Variants in GABRB1 observed in about 807,000 individuals in gnomAD.
GABRB1 encodes the protein gamma-aminobutyric acid type A receptor subunit beta1, also known as gamma-aminobutyric acid receptor subunit beta-1.
Under a neutral mutation model 51.6 loss-of-function variants are expected in GABRB1, and 17 were observed. The observed-to-expected ratio is 0.33, with a 90% CI of 0.23 to 0.49. The LOEUF is 0.49. GABRB1 is among the 20% of genes least tolerant of loss of function. GABRB1 has a pLI of 0.99. For synonymous variants in GABRB1, 247 were observed against 218.9 expected, an observed-to-expected ratio of 1.13 and a Z score of -1.14; for missense variants, 410 against 600.6, an observed-to-expected ratio of 0.68 and a Z score of 3.32.
At chr4:47,384,071 C>T (rs1727689168) in intron 5 of GABRB1, among the ~76,000 whole-genome samples, 1 of 152,010 alleles carries the variant, frequency 6.6e-6, no homozygotes, top group South Asian at 2.1e-4. Flanking sequence ...TTTTCCCAAA[C>T]AGGCAATTTC....
chr4:47,004,763 T>C (rs1724336075), intron 1 of GABRB1, among the ~76,000 whole-genome samples: 1 of 152,232 alleles, frequency 6.6e-6, no homozygotes. Context: ...TAGTTTATAA[T>C]CCAGAATTGG....
At chr4:47,002,153 AC>A (rs1217800853) in intron 1 of GABRB1, among the ~76,000 whole-genome samples, 2 of 152,220 alleles carry the variant, frequency 1.3e-5, no homozygotes, top group Non-Finnish European at 2.9e-5. Context: ...TTTGGAGACA[AC>A]AAAATACTAG....
intron 5 of GABRB1, among the ~76,000 whole-genome samples, chr4:47,341,947 G>A (rs1725916246): frequency 6.6e-6 from 1 of 152,096 alleles, no homozygotes; most frequent in Non-Finnish European, 1.5e-5. Flanking sequence ...TAGAACCAGA[G>A]AGGACACTGA....
intron 4 of GABRB1, among the ~76,000 whole-genome samples, chr4:47,171,306 GA>G (rs1399134426): frequency 2.0e-5 from 3 of 150,350 alleles, no homozygotes; most frequent in Admixed American, 6.6e-5. Context: ...AAGAATGTAA[GA>G]AAAAAAGGAA....
At chr4:47,231,993 A>ATTATTTT (rs1195166705) in intron 4 of GABRB1, among the ~76,000 whole-genome samples, 6 of 152,182 alleles carry the variant, frequency 3.9e-5, no homozygotes, top group African/African-American at 1.4e-4. Flanking sequence ...AAAATTGCCC[A>ATTATTTT]TGAAGTAGTA....
chr4:47,152,606 C>T (rs1348691199), intron 3 of GABRB1, among the ~76,000 whole-genome samples: 1 of 151,934 alleles, frequency 6.6e-6, no homozygotes, highest in East Asian at 1.9e-4. Flanking sequence ...TTCCTTGAGC[C>T]CTGTCTTCCT....
intron 5 of GABRB1, among the ~76,000 whole-genome samples, chr4:47,400,194 A>G (rs559173975): frequency 3.3e-5 from 5 of 152,318 alleles, no homozygotes; most frequent in African/African-American, 1.2e-4. Context: ...GACATTTCAT[A>G]TATTTAAAAA....
chr4:47,149,251 C>A (rs935869832), intron 3 of GABRB1, among the ~76,000 whole-genome samples: 2 of 151,972 alleles, frequency 1.3e-5, no homozygotes, highest in Admixed American at 6.6e-5. Flanking sequence ...CAAAATTGAT[C>A]ATTTACTCAA....
chr4:47,289,884 C>A (rs1232574978), intron 4 of GABRB1, among the ~76,000 whole-genome samples: 3 of 152,110 alleles, frequency 2.0e-5, no homozygotes, highest in African/African-American at 7.2e-5. Context: ...AATAACATGG[C>A]AAAGAATATT....
chr4:47,021,395 T>C (rs182117520), intron 1 of GABRB1, among the ~76,000 whole-genome samples: 65 of 152,224 alleles, frequency 4.3e-4, no homozygotes, highest in Admixed American at 7.9e-4. Flanking sequence ...TATGTGCTGA[T>C]AATAAACAGC....
chr4:47,058,770 A>G (rs769180142), intron 3 of GABRB1, among the ~76,000 whole-genome samples: 6 of 152,126 alleles, frequency 3.9e-5, no homozygotes, highest in Non-Finnish European at 8.8e-5. Flanking sequence ...TGCCTTTGTA[A>G]TGCCTTTTAT....
chr4:47,017,773 C>A (rs1287852767), intron 1 of GABRB1, among the ~76,000 whole-genome samples: 1 of 152,168 alleles, frequency 6.6e-6, no homozygotes, highest in Admixed American at 6.5e-5. Context: ...ATCTCTCAAT[C>A]AAAATTTTGC....
At chr4:47,262,193 G>A (rs1389923323) in intron 4 of GABRB1, among the ~76,000 whole-genome samples, 2 of 151,698 alleles carry the variant, frequency 1.3e-5, no homozygotes, top group Non-Finnish European at 2.9e-5. Context: ...ATTGACAAAT[G>A]GGATCTCATT....
intron 3 of GABRB1, among the ~76,000 whole-genome samples, chr4:47,071,400 A>G (rs1727329468): frequency 6.6e-6 from 1 of 152,088 alleles, no homozygotes; most frequent in East Asian, 1.9e-4. Context: ...TACAAGCATT[A>G]GTTTGGCCTA....
Position 47,007,649 on chromosome 4 carries a change from C to T in GABRB1, c.-20+13723C>T, listed in dbSNP as rs550315281. Among the ~76,000 whole-genome samples the T allele has an allele frequency of 1.5e-4, 23 of 151,916 alleles. 1 individual carries two copies. The highest frequency in any genetic ancestry group is 4.1e-4 in the African/African-American group (17 of 41,408). On this transcript the variant is annotated intron_variant, in intron 1 of 3. Transcript: ENST00000513567. ...CCAAATAAAGAATGAAGAATGTCAA[C>T]GAATAGAAATTGTACCAAGAATGTT...
chr4:47,027,235 T>C (rs1725129003), upstream of GABRB1, among the ~76,000 whole-genome samples: 1 of 151,594 alleles, frequency 6.6e-6, no homozygotes, highest in Non-Finnish European at 1.5e-5. Flanking sequence ...AATATCCTTA[T>C]TATCACCACA....
chr4:47,045,001 C>T (rs1029502623), intron 3 of GABRB1, among the ~76,000 whole-genome samples: 2 of 152,042 alleles, frequency 1.3e-5, no homozygotes, highest in Non-Finnish European at 2.9e-5. Context: ...GTGATACTCC[C>T]TTTATATGAG....
intron 4 of GABRB1, among the ~76,000 whole-genome samples, chr4:47,294,402 C>T (rs1044044252): frequency 3.0e-4 from 45 of 152,200 alleles, no homozygotes; most frequent in Admixed American, 2.0e-4. Flanking sequence ...CACTCCCACC[C>T]TAATACTGTG....
chr4:47,169,722 G>C (rs546880122), intron 4 of GABRB1, among the ~76,000 whole-genome samples: 7 of 151,984 alleles, frequency 4.6e-5, no homozygotes, highest in Non-Finnish European at 8.8e-5. Context: ...GGCTGGTCTC[G>C]AACTCTTAAT....
Sources: allele counts gnomAD v4.1 joint callset (sites outside exome capture counted in the v4.1 genomes callset), GRCh38; gene constraint gnomAD v4.1.1; transcripts MANE v1.5; gene names NCBI Gene and HGNC (gene_info 2026-07-23, HGNC 2026-07-21).